Variants in AGRN observed in about 807,000 individuals in gnomAD.
AGRN encodes agrin proteoglycan.
A neutral mutation model predicts 211.0 loss-of-function variants in AGRN; 106 were observed. The observed-to-expected ratio is 0.50, with a 90% CI of 0.43 to 0.59. The LOEUF (loss-of-function observed/expected upper bound fraction) is 0.59. Among genes scored for constraint, AGRN ranks in the 20% least tolerant of loss-of-function variants. The pLI is 0.00. For missense variants in AGRN, 3,040 were observed against 2,982.6 expected (o/e 1.02, Z -0.45); for synonymous variants, 1,525 against 1,332.5 (o/e 1.14, Z -3.15).
chr1:1,053,638 T>A, intron 33 of AGRN, 115 bp from the exon 34 acceptor site: 1 of 1,487,914 alleles, frequency 6.7e-7, no homozygotes, highest in Non-Finnish European at 9.1e-7. Flanking sequence ...CAGCCACCCC[T>A]GGGTCCCGTC....
intron 2 of AGRN, among the ~76,000 whole-genome samples, chr1:1,027,226 G>T (rs4970393): frequency 7.2e-5 from 11 of 152,082 alleles, no homozygotes; most frequent in African/African-American, 2.2e-4. Context: ...TGTGGCCTGC[G>T]TGTGTGCATG....
chr1:1,046,639 C>T lies in AGRN; in HGVS notation c.3154C>T (p.Leu1052=), dbSNP rs1456532579. The change falls in exon 18 of 36, where the codon CTG becomes TTG. Residue 1052 remains leucine, a synonymous_variant. Transcript: ENST00000379370. The stretch of plus-strand genomic sequence containing the variant: ...CACGGCACCCTCCCCTGCACCCAGC[C>T]TGGTGGCGTCCGCCTTTGGTGAATC... The part of the protein sequence containing the change: ...PPTAPSPAPS[L]VASAFGESGS... 1 of 1,598,796 alleles carries T rather than the reference C, an allele frequency of 6.3e-7. No individual in the cohort carries two copies. Among genetic ancestry groups the T allele is most frequent in the Non-Finnish European group, 8.5e-7 (1 of 1,177,822 alleles).
At chr1:1,025,795 C>T (rs1167295417) in intron 2 of AGRN, among the ~76,000 whole-genome samples, 1 of 151,436 alleles carries the variant, frequency 6.6e-6, no homozygotes, top group East Asian at 2.0e-4. Flanking sequence ...CCAGGGGCTC[C>T]TGGTAGGAAG....
intron 2 of AGRN, 148 bp downstream of exon 2, chr1:1,022,610 C>T: frequency 1.2e-6 from 1 of 817,610 alleles, no homozygotes; most frequent in Non-Finnish European, 1.9e-6. Flanking sequence ...TCATTCTCTG[C>T]TTCTCCGTCC....
rs74045089 is a variant in AGRN, at chr1:1,044,856, C to T, written c.2255-305C>T. 9.6e-3 allele frequency among the ~76,000 whole-genome samples: 1,462 copies of T among 152,294 alleles called. 13 individuals carry two copies. Among genetic ancestry groups the T allele is most frequent in the African/African-American group, 0.034 (1,392 of 41,550 alleles). On this transcript the variant is annotated intron_variant, in intron 12 of 35. Coordinates refer to ENST00000379370, the MANE Select transcript of AGRN (RefSeq NM_198576.4). ...GAATGTGGGTGAGAACGCATGCTGA[C>T]GTCTTCAGATGTCTGTTTCTCGATT...
Position 1,022,442 on chromosome 1 carries a change from A to T in AGRN, c.443A>T (p.Glu148Val), listed in dbSNP as rs1439884601. 3 of 1,610,640 alleles carry T rather than the reference A, an allele frequency of 1.9e-6. No individual in the cohort carries two copies. Among genetic ancestry groups the T allele is most frequent in the African/African-American group, 1.3e-5 (1 of 74,654 alleles). Residue 148 changes from glutamate to valine, a missense_variant, in exon 2 of 36, where the codon GAG becomes GTG. Glu to Val is a moderately radical substitution (Grantham distance 121). This residue lies in a region of AGRN where 1,498 missense variants were observed against 1,457.8 expected (regional missense o/e 1.03). Transcript: ENST00000379370. ...LMRITLRNLE[E>V]VEFCVEDKPG... The stretch of plus-strand genomic sequence containing the variant: ...CGGATCACCCTGCGGAACCTGGAGG[A>T]GGTGGAGTTCTGTGTGGAAGGTGCG...
In AGRN at chr1:1,051,388, TC is replaced by T; in HGVS notation, c.5370+22del. On this transcript the variant is annotated intron_variant, in intron 31 of 35. Transcript: ENST00000379370. Reference sequence around the variant, plus strand: ...CCAGCTGGTATGTGGGGGCGGGGCGTCCCAGCAGGGCCTCCGGGGCGGGCGG... The same window carrying T: ...CCAGCTGGTATGTGGGGGCGGGGCGTCCAGCAGGGCCTCCGGGGCGGGCGG... The T allele has an allele frequency of 8.2e-7, 1 of 1,217,934 alleles. No homozygotes were observed. The highest frequency in any genetic ancestry group is 1.5e-5 in the African/African-American group (1 of 66,454). The allele number at this position is 1,217,934 out of a possible 1,614,324, so 75.4% of individuals were successfully genotyped here.
chr1:1,048,490 G>A lies in AGRN; in HGVS notation c.4105+125G>A. The A allele has an allele frequency of 1.2e-6, 1 of 862,518 alleles. No individual in the cohort carries two copies. The highest frequency in any genetic ancestry group is 1.7e-6 in the Non-Finnish European group (1 of 584,386). The allele number at this position is 862,518 out of a possible 1,614,324, so 53.4% of individuals were successfully genotyped here. A position where few individuals can be genotyped will look rare whatever the true frequency, so the allele number is the denominator to read the frequency against. ...GAGCCCGGATTAAGGCGGGGTTTCG[G>A]CCAGATGCGGTGGCTCACGCCTGTA... On this transcript the variant is annotated intron_variant, in intron 23 of 35. Coordinates refer to ENST00000379370, the MANE Select transcript of AGRN (RefSeq NM_198576.4). This position sits in a 1 kb window ranked among gnomAD's most constrained non-coding sequence, Gnocchi z 5.9.
In AGRN at chr1:1,043,307, C is replaced by A; in HGVS notation, c.1453C>A (p.Gln485Lys). Residue 485 changes from glutamine to lysine, a missense_variant, in exon 8 of 36, where the codon CAG becomes AAG. Gln to Lys is a moderately conservative substitution (Grantham distance 53). This residue lies in a region of AGRN where 1,498 missense variants were observed against 1,457.8 expected (regional missense o/e 1.03). Coordinates refer to ENST00000379370, the MANE Select transcript of AGRN (RefSeq NM_198576.4). ...GGCGACGTGTGCTGTGAAGAACGGGCAGGCAGCGTGTGAATGCCTGCAGGC... is the reference window on the plus strand; with the variant it reads ...GGCGACGTGTGCTGTGAAGAACGGGAAGGCAGCGTGTGAATGCCTGCAGGC... ...FGATCAVKNG[Q>K]AACECLQACS... 6.2e-7 allele frequency: 1 copy of A among 1,611,466 alleles called. No homozygotes were observed. Among genetic ancestry groups the A allele is most frequent in the Non-Finnish European group, 8.5e-7 (1 of 1,179,506 alleles).
In AGRN at chr1:1,047,971, C is replaced by A. The variant is rs539161973; in HGVS notation, c.3752-41C>A. 4 of 1,571,134 alleles carry A rather than the reference C, an allele frequency of 2.5e-6. No individual in the cohort carries two copies. In the South Asian group the frequency reaches 3.5e-5, roughly 14 times the overall value. ...GCCCCTGCCCCTCACCCCTTCCTGG[C>A]CCTGCTCCCAGGAAACCCTAACAGC... On this transcript the variant is annotated intron_variant, in intron 22 of 35. Coordinates refer to ENST00000379370, the MANE Select transcript of AGRN (RefSeq NM_198576.4).
rs528361136 is a variant in AGRN at position 1,034,948 on chromosome 1, T to C, written c.464-329T>C. ...GGGAGGGAGGGGCAGCCGGCTACAC[T>C]GAGAGCCGGCAGTTGGGGGTAGGGC... On this transcript the variant is annotated intron_variant, in intron 2 of 35. Transcript: ENST00000379370. The C allele has an allele frequency of 1.9e-4, 89 of 466,358 alleles. No homozygotes were observed. In the South Asian group the frequency reaches 2.4e-3, roughly 13 times the overall value. The allele number at this position is 466,358 out of a possible 1,614,324, so 28.9% of individuals were successfully genotyped here. A position where few individuals can be genotyped will look rare whatever the true frequency, so the allele number is the denominator to read the frequency against.
At position 1,020,167 on chromosome 1, in the gene AGRN, T is replaced by A. The variant is rs1297394840; in HGVS notation, c.-6T>A. The A allele has an allele frequency of 7.6e-7, 1 of 1,309,816 alleles. No homozygotes were observed. The highest frequency in any genetic ancestry group is 9.7e-7 in the Non-Finnish European group (1 of 1,026,404). The allele number at this position is 1,309,816 out of a possible 1,614,324, so 81.1% of individuals were successfully genotyped here. On this transcript the variant is annotated 5_prime_UTR_variant, in exon 1 of 36. Transcript: ENST00000379370. ...GCGCGCTCCTCCGCCGCCTCTCGCC[T>A]GCGCCATGGCCGGCCGGTCCCACCC...
rs980700050 is a variant in AGRN at position 1,048,560 on chromosome 1, C to T, written c.4105+195C>T. ...CCGAGGCAGGCGGATCACCTGAGGT[C>T]GGGAGTTCGAGACCAGCCTGACCAA... On this transcript the variant is annotated intron_variant, in intron 23 of 35. Coordinates refer to ENST00000379370, the MANE Select transcript of AGRN (RefSeq NM_198576.4). This position sits in a 1 kb window ranked among gnomAD's most constrained non-coding sequence, Gnocchi z 5.9. The T allele has an allele frequency of 1.2e-5, 7 of 600,526 alleles. No homozygotes were observed. Among genetic ancestry groups the T allele is most frequent in the South Asian group, 2.3e-5 (1 of 43,074 alleles). The allele number at this position is 600,526 out of a possible 1,614,324, so 37.2% of individuals were successfully genotyped here. A position where few individuals can be genotyped will look rare whatever the true frequency, so the allele number is the denominator to read the frequency against.
rs939763446 is a variant in AGRN, at chr1:1,048,583, C to A, written c.4105+218C>A. The A allele has an allele frequency of 1.7e-6, 1 of 588,996 alleles. No individual in the cohort carries two copies. The highest frequency in any genetic ancestry group is 2.9e-6 in the Non-Finnish European group (1 of 341,210). The allele number at this position is 588,996 out of a possible 1,614,324, so 36.5% of individuals were successfully genotyped here. The stretch of plus-strand genomic sequence containing the variant: ...GTCGGGAGTTCGAGACCAGCCTGAC[C>A]AACATGGAGACACTCTGTCTCTACT... On this transcript the variant is annotated intron_variant, in intron 23 of 35. Transcript: ENST00000379370. This position sits in a 1 kb window ranked among gnomAD's most constrained non-coding sequence, Gnocchi z 5.9.
At chr1:1,051,108 C>T (rs545064869) in intron 30 of AGRN, 145 bp from the exon 31 acceptor site, 23 of 1,542,002 alleles carry the variant, frequency 1.5e-5, no homozygotes, top group South Asian at 6.0e-5. Context: ...GCTCCTCCCC[C>T]ACTAAGGACC....
intron 2 of AGRN, among the ~76,000 whole-genome samples, chr1:1,029,081 G>T (rs113705031): frequency 0.012 from 1,308 of 105,926 alleles, 70 homozygotes; most frequent in African/African-American, 0.033. Context: ...CCAGCCCCTC[G>T]TGGGCCAAGG....
intron 2 of AGRN, among the ~76,000 whole-genome samples, chr1:1,033,858 G>A (rs557263941): frequency 6.1e-5 from 8 of 130,616 alleles, no homozygotes; most frequent in African/African-American, 2.3e-4. Flanking sequence ...CCGCCTGCCC[G>A]GCGTTCCCTT....
chr1:1,047,216 C>G, intron 19 of AGRN, 111 bp from the exon 20 acceptor site: 1 of 1,499,026 alleles, frequency 6.7e-7, no homozygotes, highest in Non-Finnish European at 8.9e-7. Context: ...GACCATCTGA[C>G]TAACATCCAC....
rs1426358800 is a variant in AGRN at position 1,038,937 on chromosome 1, G to A, written c.512-1728G>A. On this transcript the variant is annotated intron_variant, in intron 3 of 35. Coordinates refer to ENST00000379370, the MANE Select transcript of AGRN (RefSeq NM_198576.4). Reference sequence around the variant, plus strand: ...TTTGATTTGAGCCAGGACGGGGGAAGGCCAGTGGTGATGACAGCCCTCATG... The same window carrying A: ...TTTGATTTGAGCCAGGACGGGGGAAAGCCAGTGGTGATGACAGCCCTCATG... Among the ~76,000 whole-genome samples, 3 of 152,212 alleles carry A rather than the reference G, an allele frequency of 2.0e-5. No individual in the cohort carries two copies. The East Asian group carries it at 5.8e-4, about 29-fold the overall frequency.
Sources: allele counts gnomAD v4.1 joint callset (sites outside exome capture counted in the v4.1 genomes callset), GRCh38; gene constraint gnomAD v4.1.1; regional missense constraint gnomAD v4.1.1; non-coding constraint Gnocchi (gnomAD v3.1); transcripts MANE v1.5; gene names NCBI Gene and HGNC (gene_info 2026-07-23, HGNC 2026-07-21).